PPFIBP1: variants seen among roughly 807,000 people sequenced by gnomAD.
The protein encoded by PPFIBP1 is PPFIB scaffold protein 1.
Under a neutral mutation model 137.8 loss-of-function variants are expected in PPFIBP1, and 112 were observed. That is an observed-to-expected ratio of 0.81 (90% CI 0.70 to 0.95). PPFIBP1 has a LOEUF of 0.95. PPFIBP1 is among the 40% of genes least tolerant of loss of function. PPFIBP1 has a pLI of 0.00. For missense variants in PPFIBP1, 1,083 were observed against 1,196.6 expected (o/e 0.91, Z 1.40); for synonymous variants, 378 against 417.3 (o/e 0.91, Z 1.15).
intron 2 of PPFIBP1, among the ~76,000 whole-genome samples, chr12:27,590,376 A>C (rs186929613): frequency 1.3e-5 from 2 of 152,162 alleles, no homozygotes; most frequent in East Asian, 3.9e-4. Context: ...GGGTTTTACC[A>C]TGTTGCCCAG....
At chr12:27,613,893 C>T (rs904211017) in intron 2 of PPFIBP1, among the ~76,000 whole-genome samples, 2 of 151,992 alleles carry the variant, frequency 1.3e-5, no homozygotes, top group African/African-American at 4.8e-5. Flanking sequence ...CCATTTCCAT[C>T]GTTTGGGAAG....
intron 21 of PPFIBP1, among the ~76,000 whole-genome samples, chr12:27,680,719 A>T (rs2060825755): frequency 6.6e-6 from 1 of 152,214 alleles, no homozygotes; most frequent in Non-Finnish European, 1.5e-5. Flanking sequence ...GACACTCTTA[A>T]CCAAAGTTTA....
At chr12:27,551,588 T>C (rs1231304155) in intron 1 of PPFIBP1, among the ~76,000 whole-genome samples, 3 of 152,234 alleles carry the variant, frequency 2.0e-5, no homozygotes. Context: ...CATTGTGTAA[T>C]GTAAGTCTCT....
chr12:27,543,720 A>G (rs961056302), intron 1 of PPFIBP1, among the ~76,000 whole-genome samples: 2 of 152,176 alleles, frequency 1.3e-5, no homozygotes, highest in Non-Finnish European at 2.9e-5. Flanking sequence ...TTCAAGGATC[A>G]AATTGAGCAT....
chr12:27,601,422 A>G (rs750409403), intron 2 of PPFIBP1, among the ~76,000 whole-genome samples: 8 of 152,194 alleles, frequency 5.3e-5, no homozygotes, highest in Non-Finnish European at 8.8e-5. Flanking sequence ...ATCAAGGCTC[A>G]TGCACTTAAT....
intron 1 of PPFIBP1, among the ~76,000 whole-genome samples, chr12:27,525,861 T>A (rs1943686504): frequency 6.6e-6 from 1 of 152,228 alleles, no homozygotes; most frequent in South Asian, 2.1e-4. Context: ...ATGACATACC[T>A]GGGTCTGTAT....
chr12:27,575,748 G>A lies in PPFIBP1; in HGVS notation c.-123-2404G>A, dbSNP rs562775593. On this transcript the variant is annotated intron_variant, in intron 1 of 29. Transcript: ENST00000228425. ...TAGAAATGCTGTTTGCATGGGTTTG[G>A]ATTTTTTTATGGCTTACTTTTCAGT... Among the ~76,000 whole-genome samples the A allele has an allele frequency of 5.9e-5, 9 of 152,278 alleles. No individual in the cohort carries two copies. In the South Asian group the frequency reaches 1.7e-3, roughly 28 times the overall value.
intron 11 of PPFIBP1, among the ~76,000 whole-genome samples, chr12:27,662,397 T>G (rs2059606734): frequency 1.3e-5 from 2 of 152,186 alleles, no homozygotes; most frequent in Non-Finnish European, 2.9e-5. Context: ...GGCAGTGACA[T>G]GATTACATTG....
chr12:27,631,458 T>C (rs1002567512), intron 2 of PPFIBP1, among the ~76,000 whole-genome samples: 14 of 152,168 alleles, frequency 9.2e-5, no homozygotes, highest in Non-Finnish European at 1.8e-4. Context: ...ATGTTACATA[T>C]GTGTTTATTA....
intron 1 of PPFIBP1, chr12:27,549,467 A>C (rs1346499362): frequency 6.6e-6 from 1 of 152,206 alleles, no homozygotes; most frequent in Non-Finnish European, 1.5e-5. Context: ...TCACGTCTGC[A>C]AAGAATGAAT....
Position 27,695,120 on chromosome 12 carries a change from A to AT in PPFIBP1, c.*2252dup, listed in dbSNP as rs57935514. ...ATACCAGGAAACTGTTACAGACGCC[A>AT]TTTTTTTTTTTTTTGAGACGGAGTC... On this transcript the variant is annotated 3_prime_UTR_variant, in exon 30 of 30. Coordinates refer to ENST00000228425, the MANE Select transcript of PPFIBP1 (RefSeq NM_003622.4). The AT allele has an allele frequency of 0.61, 88,770 of 146,546 alleles. 27,299 individuals are homozygous for AT. The highest frequency in any genetic ancestry group is 0.71 in the Admixed American group (10,402 of 14,708). The allele number at this position is 146,546 out of a possible 1,614,324, so 9.1% of individuals were successfully genotyped here. A position where few individuals can be genotyped will look rare whatever the true frequency, so the allele number is the denominator to read the frequency against.
intron 2 of PPFIBP1, among the ~76,000 whole-genome samples, chr12:27,585,385 C>A (rs1156993970): frequency 2.6e-5 from 4 of 152,108 alleles, no homozygotes; most frequent in Admixed American, 2.0e-4. Context: ...CTCCCTGCAC[C>A]CCCCTCATAT....
At chr12:27,691,651 G>A (rs1395428188) in intron 27 of PPFIBP1, 98 bp from the exon 28 acceptor site, 15 of 833,340 alleles carry the variant, frequency 1.8e-5, no homozygotes, top group Non-Finnish European at 2.6e-5. Context: ...CATATAGGAG[G>A]GAGGGGGCAA....
chr12:27,623,014 T>C (rs1471856209), intron 2 of PPFIBP1, among the ~76,000 whole-genome samples: 2 of 152,220 alleles, frequency 1.3e-5, no homozygotes, highest in African/African-American at 4.8e-5. Flanking sequence ...CAACTTTGAG[T>C]AGCTGTTGCT....
rs373063647 is a variant in PPFIBP1 at position 27,550,977 on chromosome 12, T to TTA, written c.-124+26626_-124+26627dup. On this transcript the variant is annotated intron_variant, in intron 1 of 29. Transcript: ENST00000228425. Reference sequence around the variant, plus strand: ...CTTTGTTTGGGGGTGGGCACTAATTTTATATATATATATATTTTTTTTTTT... The same window carrying TTA: ...CTTTGTTTGGGGGTGGGCACTAATTTTATATATATATATATATTTTTTTTTTT... 1.2e-3 allele frequency among the ~76,000 whole-genome samples: 168 copies of TTA among 135,928 alleles called. 1 individual carries two copies. The Middle Eastern group carries it at 0.022, about 18-fold the overall frequency. 89.2% of individuals were successfully genotyped at this position (135,928 alleles called of 152,430 possible).
Position 27,634,972 on chromosome 12 carries a change from A to G in PPFIBP1, c.127A>G (p.Met43Val). ...FDCQSPTSPF[M>V]GSLRALHLVE... is the part of the protein sequence containing the mutation. ...TTGCCAATCTCCCACCTCTCCATTC[A>G]TGGGAAGTTTGCGAGCTCTGCACCT... Residue 43 changes from methionine to valine, a missense_variant, in exon 4 of 30, where the codon ATG (methionine) becomes GTG (valine). Transcript: ENST00000228425. 2 of 1,614,080 alleles carry G rather than the reference A, an allele frequency of 1.2e-6. No individual in the cohort carries two copies. The highest frequency in any genetic ancestry group is 1.7e-6 in the Non-Finnish European group (2 of 1,179,988).
At chr12:27,686,180 A>AT (rs1253748324) in intron 24 of PPFIBP1, among the ~76,000 whole-genome samples, 2 of 152,132 alleles carry the variant, frequency 1.3e-5, no homozygotes, top group African/African-American at 4.8e-5. Flanking sequence ...TCAGGAAATA[A>AT]TTTTTGCCTG....
In PPFIBP1 at chr12:27,670,328, G is replaced by A. The variant is rs1489663265; in HGVS notation, c.1147-1103G>A. On this transcript the variant is annotated intron_variant, in intron 13 of 29. Coordinates refer to ENST00000228425, the MANE Select transcript of PPFIBP1 (RefSeq NM_003622.4). Reference sequence around the variant, plus strand: ...TATTATTATTATCATTAAGCAAAGTGTTTTAAGTGGTAGCCACAAAGTCCA... The same window carrying A: ...TATTATTATTATCATTAAGCAAAGTATTTTAAGTGGTAGCCACAAAGTCCA... Among the ~76,000 whole-genome samples, 3 of 152,256 alleles carry A rather than the reference G, an allele frequency of 2.0e-5. No individual in the cohort carries two copies. In the East Asian group the frequency reaches 5.8e-4, roughly 29 times the overall value.
chr12:27,670,790 A>T (rs2060137981), intron 13 of PPFIBP1, among the ~76,000 whole-genome samples: 4 of 133,182 alleles, frequency 3.0e-5, no homozygotes, highest in African/African-American at 1.1e-4. Context: ...AAAAAAAAAA[A>T]AAAAAATAAT....
Sources: gnomAD v4.1 joint callset for allele counts (sites outside exome capture counted in the v4.1 genomes callset) on GRCh38, gnomAD v4.1.1 for gene constraint, MANE v1.5 for transcripts, NCBI Gene and HGNC (gene_info 2026-07-23, HGNC 2026-07-21) for gene names.